Variants in DTNA observed in about 807,000 individuals in gnomAD.
DTNA encodes the protein dystrobrevin alpha.
DTNA carries 43 observed loss-of-function variants against 100.7 expected under a neutral mutation model. That is an observed-to-expected ratio of 0.43 (90% CI 0.33 to 0.55). The LOEUF (loss-of-function observed/expected upper bound fraction) is 0.55. Ranked by LOEUF, DTNA falls within the 20% of genes least tolerant of loss-of-function variation. The pLI, the probability that DTNA is intolerant of heterozygous loss-of-function variation, is 0.04. For missense variants in DTNA, 798 were observed against 953.9 expected (o/e 0.84, Z 2.15); for synonymous variants, 349 against 347.9 (o/e 1.00, Z -0.04).
intron 1 of DTNA, among the ~76,000 whole-genome samples, chr18:34,739,734 T>G (rs2147681625): frequency 6.6e-6 from 1 of 152,340 alleles, no homozygotes; most frequent in Non-Finnish European, 1.5e-5. Context: ...AAATGTTAAA[T>G]TCTGGCTTTG....
At chr18:34,738,268 C>T (rs1398118879) in intron 1 of DTNA, among the ~76,000 whole-genome samples, 1 of 152,100 alleles carries the variant, frequency 6.6e-6, no homozygotes, top group Non-Finnish European at 1.5e-5. Flanking sequence ...TCTCAAAAAG[C>T]ATCTTAGTTG....
chr18:34,652,871 C>G lies in DTNA; in HGVS notation c.-1-103105C>G, dbSNP rs375925138. ...TCTATCATCGGGTAATGCCCATCAC[C>G]CTGCATTAACCTAGGAGCTGCAAAG... On this transcript the variant is annotated intron_variant, in intron 1 of 19. Transcript: ENST00000283365. Among the ~76,000 whole-genome samples, 6 of 152,300 alleles carry G rather than the reference C, an allele frequency of 3.9e-5. No homozygotes were observed. In the East Asian group the frequency reaches 7.7e-4, roughly 20 times the overall value.
chr18:34,635,021 T>TC (rs1163836124), intron 1 of DTNA, among the ~76,000 whole-genome samples: 5 of 152,022 alleles, frequency 3.3e-5, no homozygotes, highest in African/African-American at 4.8e-5. Context: ...TCAACCAATA[T>TC]CCCCCCACTC....
At chr18:34,711,337 CTGATGTT>C (rs56383539) in intron 1 of DTNA, among the ~76,000 whole-genome samples, 17,909 of 151,982 alleles carry the variant, frequency 0.12, 1,541 homozygotes, top group African/African-American at 0.24. Context: ...ATGGCTTTTA[CTGATGTT>C]TGATGTTTGA....
intron 1 of DTNA, among the ~76,000 whole-genome samples, chr18:34,506,508 G>A (rs2040507452): frequency 6.6e-6 from 1 of 152,204 alleles, no homozygotes; most frequent in African/African-American, 2.4e-5. Context: ...GTTGGCATAG[G>A]TGTGGTGGAA....
chr18:34,724,028 A>G (rs1249129545), intron 1 of DTNA, among the ~76,000 whole-genome samples: 1 of 152,214 alleles, frequency 6.6e-6, no homozygotes, highest in Admixed American at 6.5e-5. Flanking sequence ...TAGATATGTT[A>G]TTGTCAGTTT....
chr18:34,724,216 G>A (rs1208091579), intron 1 of DTNA, among the ~76,000 whole-genome samples: 2 of 152,068 alleles, frequency 1.3e-5, no homozygotes, highest in Admixed American at 1.3e-4. Context: ...TTTTATTTTT[G>A]AAATCACCTG....
intron 1 of DTNA, among the ~76,000 whole-genome samples, chr18:34,749,691 C>T (rs964203961): frequency 3.4e-5 from 5 of 148,906 alleles, no homozygotes; most frequent in African/African-American, 1.3e-4. Flanking sequence ...AATAAGATAC[C>T]AGTTCCAGGA....
chr18:34,791,872 C>T (rs972460496), intron 3 of DTNA, among the ~76,000 whole-genome samples: 1 of 152,122 alleles, frequency 6.6e-6, no homozygotes, highest in Non-Finnish European at 1.5e-5. Context: ...GGAATGCCAG[C>T]CCCATTTCAT....
chr18:34,529,271 T>A (rs2042925896), intron 1 of DTNA, among the ~76,000 whole-genome samples: 1 of 152,100 alleles, frequency 6.6e-6, no homozygotes, highest in South Asian at 2.1e-4. Context: ...ATGGTATAAC[T>A]TATTTATTAT....
At chr18:34,509,070 T>C (rs1386389185) in intron 1 of DTNA, among the ~76,000 whole-genome samples, 1 of 152,108 alleles carries the variant, frequency 6.6e-6, no homozygotes, top group Non-Finnish European at 1.5e-5. Flanking sequence ...ATTTACTCAT[T>C]TTGCTTGGGC....
intron 1 of DTNA, among the ~76,000 whole-genome samples, chr18:34,658,018 G>T (rs1306718318): frequency 6.6e-6 from 1 of 152,196 alleles, no homozygotes; most frequent in African/African-American, 2.4e-5. Flanking sequence ...CAGGAGAATT[G>T]GCTGACTTCA....
chr18:34,573,185 C>G (rs117739127), intron 1 of DTNA, among the ~76,000 whole-genome samples: 13 of 152,122 alleles, frequency 8.5e-5, no homozygotes, highest in Non-Finnish European at 1.3e-4. Flanking sequence ...TCCTTTATTC[C>G]TTTATTCCTC....
At chr18:34,551,744 C>T (rs1206127259) in intron 1 of DTNA, among the ~76,000 whole-genome samples, 1 of 152,122 alleles carries the variant, frequency 6.6e-6, no homozygotes, top group Non-Finnish European at 1.5e-5. Flanking sequence ...ATCTGAAAGT[C>T]CTGAATGCCA....
chr18:34,765,846 T>G, intron 2 of DTNA, 115 bp from the exon 3 acceptor site: 1 of 988,018 alleles, frequency 1.0e-6, no homozygotes. Context: ...ATTTATATTC[T>G]AATAAAAATA....
intron 1 of DTNA, among the ~76,000 whole-genome samples, chr18:34,718,725 A>C (rs1331047940): frequency 1.3e-5 from 2 of 152,216 alleles, no homozygotes; most frequent in Admixed American, 1.3e-4. Context: ...GGTATTACTG[A>C]AGAGTATGGG....
chr18:34,819,917 T>C (rs530148498), intron 8 of DTNA, among the ~76,000 whole-genome samples: 8 of 151,346 alleles, frequency 5.3e-5, no homozygotes, highest in Non-Finnish European at 1.0e-4. Context: ...AATGGTTTCT[T>C]ATGGAAAGGA....
intron 11 of DTNA, among the ~76,000 whole-genome samples, chr18:34,836,492 T>G (rs531880969): frequency 1.3e-5 from 2 of 151,642 alleles, no homozygotes; most frequent in African/African-American, 4.8e-5. Flanking sequence ...TACTAAAAAT[T>G]CAAAAATTAG....
intron 1 of DTNA, among the ~76,000 whole-genome samples, chr18:34,583,008 A>T (rs2048781999): frequency 6.6e-6 from 1 of 152,246 alleles, no homozygotes; most frequent in Non-Finnish European, 1.5e-5. Flanking sequence ...TGACTAGGTT[A>T]TGACTTAATT....
Sources: allele counts gnomAD v4.1 joint callset (sites outside exome capture counted in the v4.1 genomes callset), GRCh38; gene constraint gnomAD v4.1.1; transcripts MANE v1.5; gene names NCBI Gene and HGNC (gene_info 2026-07-23, HGNC 2026-07-21).